MGMT: variants seen among roughly 807,000 people sequenced by gnomAD.
MGMT encodes methylated-DNA--protein-cysteine methyltransferase.
A neutral mutation model predicts 15.9 loss-of-function variants in MGMT; 14 were observed. The observed-to-expected ratio is 0.88, with a 90% confidence interval of 0.58 to 1.37. The LOEUF (loss-of-function observed/expected upper bound fraction) is 1.37. MGMT is among the 40% of genes most tolerant of loss of function. The pLI is 0.00. For synonymous variants in MGMT, 130 were observed against 118.2 expected (o/e 1.10, Z -0.65); for missense variants, 282 against 268.1 (o/e 1.05, Z -0.36).
At chr10:129,526,187 G>C (rs1013752689) in intron 1 of MGMT, among the ~76,000 whole-genome samples, 3 of 152,170 alleles carry the variant, frequency 2.0e-5, no homozygotes, top group Non-Finnish European at 4.4e-5. Context: ...TTTATGATCA[G>C]GTGATAGGGA....
At chr10:129,487,974 CAGGTATACACACACACACACACAT>C (rs1279154979) in intron 1 of MGMT, among the ~76,000 whole-genome samples, 5 of 40,678 alleles carry the variant, frequency 1.2e-4, no homozygotes, top group African/African-American at 1.6e-4. Context: ...GGTGTATACG[CAGGTATACACACACACACACACAT>C]AGGTATACAC....
intron 2 of MGMT, among the ~76,000 whole-genome samples, chr10:129,599,188 GA>G (rs1846788403): frequency 6.6e-6 from 1 of 152,210 alleles, no homozygotes; most frequent in African/African-American, 2.4e-5. Context: ...TGCCTTATTT[GA>G]ACATGGTTTG....
chr10:129,633,114 T>A (rs542314369), intron 2 of MGMT, among the ~76,000 whole-genome samples: 8 of 152,232 alleles, frequency 5.3e-5, no homozygotes, highest in African/African-American at 1.9e-4. Context: ...ATCAGTCTTG[T>A]GACCATATAC....
intron 2 of MGMT, among the ~76,000 whole-genome samples, chr10:129,692,981 A>G (rs1847986656): frequency 1.3e-5 from 2 of 152,262 alleles, no homozygotes; most frequent in African/African-American, 2.4e-5. Context: ...AAAGCCCAGC[A>G]GGGCAAGGAA....
chr10:129,552,403 C>T (rs957037075), intron 2 of MGMT, among the ~76,000 whole-genome samples: 4 of 152,214 alleles, frequency 2.6e-5, no homozygotes, highest in Non-Finnish European at 5.9e-5. Context: ...GCCTGGGCCT[C>T]CTGCACCCCA....
intron 2 of MGMT, among the ~76,000 whole-genome samples, chr10:129,542,158 C>G (rs959597281): frequency 3.1e-4 from 47 of 152,202 alleles, no homozygotes; most frequent in African/African-American, 1.0e-3. Context: ...AGGGCAGCTG[C>G]AGCAGGAGGT....
At position 129,766,809 on chromosome 10, in the gene MGMT, C is replaced by T. The variant is rs1848941673; in HGVS notation, c.436C>T (p.His146Tyr). ...GNPVPILIPC[H>Y]RVVCSSGAVG... ...CCAGGTCCCCATCCTCATCCCGTGC[C>T]ACAGAGTGGTCTGCAGCAGCGGAGC... The change falls in exon 5 of 5, where the codon CAC becomes TAC. Residue 146 changes from histidine (H) to tyrosine (Y), a missense_variant. By Grantham distance (83) the His-to-Tyr change is moderately conservative. Transcript: ENST00000651593. 1 of 1,613,268 alleles carries T rather than the reference C, an allele frequency of 6.2e-7. No homozygotes were observed. Among genetic ancestry groups the T allele is most frequent in the Admixed American group, 1.7e-5 (1 of 60,022 alleles).
intron 2 of MGMT, among the ~76,000 whole-genome samples, chr10:129,644,339 G>A (rs987266986): frequency 2.6e-5 from 4 of 152,218 alleles, no homozygotes; most frequent in African/African-American, 4.8e-5. Flanking sequence ...AGTACACTGC[G>A]GCATGTGCTG....
Position 129,747,374 on chromosome 10 carries a change from G to A in MGMT, c.275-11828G>A, listed in dbSNP as rs554457871. Among the ~76,000 whole-genome samples, 4 of 152,180 alleles carry A rather than the reference G, an allele frequency of 2.6e-5. No homozygotes were observed. In the South Asian group the frequency reaches 8.3e-4, roughly 32 times the overall value. The stretch of plus-strand genomic sequence containing the variant: ...TTGAGGATGTTACCTTCTGTTCTTA[G>A]GTTGCTGAGAGCTTTTATCATGAAT... On this transcript the variant is annotated intron_variant, in intron 3 of 4. Coordinates refer to ENST00000651593, the MANE Select transcript of MGMT (RefSeq NM_002412.5).
At chr10:129,738,598 A>C (rs1270558962) in intron 3 of MGMT, among the ~76,000 whole-genome samples, 2 of 152,174 alleles carry the variant, frequency 1.3e-5, no homozygotes, top group Non-Finnish European at 2.9e-5. Context: ...ACATTTTCTT[A>C]ATCCACATCA....
chr10:129,766,387 G>T (rs559013880), intron 4 of MGMT, among the ~76,000 whole-genome samples: 25 of 152,224 alleles, frequency 1.6e-4, no homozygotes, highest in Non-Finnish European at 3.1e-4. Context: ...TGATGCCTGC[G>T]TGGTACCTGG....
At chr10:129,674,841 G>T (rs1416477106) in intron 2 of MGMT, among the ~76,000 whole-genome samples, 1 of 152,200 alleles carries the variant, frequency 6.6e-6, no homozygotes, top group East Asian at 1.9e-4. Context: ...ACAGCAGTGA[G>T]AGATGAAGAT....
chr10:129,748,643 G>A (rs1268327687), intron 3 of MGMT, among the ~76,000 whole-genome samples: 2 of 152,186 alleles, frequency 1.3e-5, no homozygotes, highest in Admixed American at 6.5e-5. Flanking sequence ...ACAGACCACA[G>A]AAGTAGCTTT....
rs2133191778 is a variant in MGMT at position 129,767,487 on chromosome 10, G to C, written c.*490G>C. Reference sequence around the variant, plus strand: ...ACACCCAGGTCTCACTGAAAGAAAGGGGAACAGGCCATGGCAGTCAGTGCT... The same window carrying C: ...ACACCCAGGTCTCACTGAAAGAAAGCGGAACAGGCCATGGCAGTCAGTGCT... On this transcript the variant is annotated 3_prime_UTR_variant, in exon 5 of 5. Coordinates refer to ENST00000651593, the MANE Select transcript of MGMT (RefSeq NM_002412.5). 1 of 153,628 alleles carries C rather than the reference G, an allele frequency of 6.5e-6. No homozygotes were observed. The highest frequency in any genetic ancestry group is 1.9e-4 in the East Asian group (1 of 5,230). 9.5% of individuals were successfully genotyped at this position (153,628 alleles called of 1,614,324 possible).
intron 3 of MGMT, among the ~76,000 whole-genome samples, chr10:129,726,771 A>G (rs887880434): frequency 6.6e-6 from 1 of 152,168 alleles, no homozygotes; most frequent in Non-Finnish European, 1.5e-5. Context: ...GTTTTGACCT[A>G]ATTAAAAGCA....
chr10:129,564,203 C>T (rs1309025523), intron 2 of MGMT: 4 of 96,364 alleles, frequency 4.2e-5, no homozygotes, highest in African/African-American at 1.6e-4. Context: ...CCCACTTCTT[C>T]CTCCTCTCCC....
At chr10:129,548,212 G>A (rs1466030928) in intron 2 of MGMT, among the ~76,000 whole-genome samples, 1 of 152,194 alleles carries the variant, frequency 6.6e-6, no homozygotes. Context: ...GAAAAATGGT[G>A]TGTGTAAGTA....
At chr10:129,471,201 A>G (rs1157131841) in intron 1 of MGMT, among the ~76,000 whole-genome samples, 5 of 152,202 alleles carry the variant, frequency 3.3e-5, no homozygotes, top group Non-Finnish European at 7.3e-5. Flanking sequence ...TTCTGCAAGC[A>G]CAGCGCGGGT....
chr10:129,707,901 G>T lies in MGMT; in HGVS notation c.132G>T (p.Val44=). ...LGKGTSAADA[V]EVPAPAAVLG... ...CCTGTTCTCACTTTTGCAGTGCCGTGGAGGTCCCAGCCCCCGCTGCGGTTC... is the reference window on the plus strand; with the variant it reads ...CCTGTTCTCACTTTTGCAGTGCCGTTGAGGTCCCAGCCCCCGCTGCGGTTC... The change falls in exon 3 of 5, where the codon GTG becomes GTT. Residue 44 remains valine (V), a synonymous_variant. Coordinates refer to ENST00000651593, the MANE Select transcript of MGMT (RefSeq NM_002412.5). 1 of 1,611,580 alleles carries T rather than the reference G, an allele frequency of 6.2e-7. No individual in the cohort carries two copies.
Sources: allele counts gnomAD v4.1 joint callset (sites outside exome capture counted in the v4.1 genomes callset), GRCh38; gene constraint gnomAD v4.1.1; transcripts MANE v1.5; gene names NCBI Gene and HGNC (gene_info 2026-07-23, HGNC 2026-07-21).